The following ZNF804B variants were observed in gnomAD, a reference collection of about 807,000 sequenced individuals.
ZNF804B encodes the protein zinc finger 804B.
ZNF804B carries 80 observed loss-of-function variants against 101.4 expected under a neutral mutation model. The observed-to-expected ratio is 0.79, with a 90% CI of 0.66 to 0.95. The LOEUF is 0.95. ZNF804B is among the 40% of genes least tolerant of loss of function. The pLI, the probability that ZNF804B is intolerant of heterozygous loss-of-function variation, is 0.00. For synonymous variants in ZNF804B, 622 were observed against 558.8 expected (o/e 1.11, Z -1.59); for missense variants, 1,673 against 1,561.9 (o/e 1.07, Z -1.20).
intron 1 of ZNF804B, among the ~76,000 whole-genome samples, chr7:88,952,248 A>G (rs1262101088): frequency 2.0e-5 from 3 of 151,780 alleles, no homozygotes; most frequent in Admixed American, 6.6e-5. Flanking sequence ...TGTCATTAGT[A>G]TCATTAATAT....
chr7:88,825,609 A>G (rs1791040800), intron 1 of ZNF804B, among the ~76,000 whole-genome samples: 1 of 152,138 alleles, frequency 6.6e-6, no homozygotes, highest in Non-Finnish European at 1.5e-5. Flanking sequence ...CTTCAGCATC[A>G]CTGTGTCCCT....
Position 88,759,970 on chromosome 7 carries a change from G to C in ZNF804B, c.-7G>C. The C allele has an allele frequency of 6.2e-7, 1 of 1,613,896 alleles. No individual in the cohort carries two copies. Among genetic ancestry groups the C allele is most frequent in the Non-Finnish European group, 8.5e-7 (1 of 1,179,796 alleles). ...AGTTGAGACTCTGCGCCTCCGCCCG[G>C]ACCCACATGGCTTGTTACCTGGTCA... On this transcript the variant is annotated 5_prime_UTR_variant, in exon 1 of 4. Coordinates refer to ENST00000333190, the MANE Select transcript of ZNF804B (RefSeq NM_181646.5).
chr7:89,249,154 A>G (rs1789501398), intron 2 of ZNF804B, among the ~76,000 whole-genome samples: 1 of 152,162 alleles, frequency 6.6e-6, no homozygotes, highest in African/African-American at 2.4e-5. Context: ...TAAAACAAGT[A>G]CTTCTAGACC....
intron 1 of ZNF804B, among the ~76,000 whole-genome samples, chr7:89,001,280 A>G (rs944384528): frequency 2.0e-5 from 3 of 151,426 alleles, no homozygotes; most frequent in East Asian, 3.9e-4. Context: ...TGAAAAAATA[A>G]CTGTGAAGTA....
chr7:88,948,938 T>A (rs1241128497), intron 1 of ZNF804B, among the ~76,000 whole-genome samples: 1 of 151,962 alleles, frequency 6.6e-6, no homozygotes, highest in Admixed American at 6.6e-5. Flanking sequence ...AGATTTAGAT[T>A]TTACATTTTG....
chr7:89,079,773 C>A (rs1437481372), intron 1 of ZNF804B, among the ~76,000 whole-genome samples: 1 of 151,970 alleles, frequency 6.6e-6, no homozygotes, highest in Non-Finnish European at 1.5e-5. Flanking sequence ...GTAAACATGA[C>A]TTGCCGATAT....
chr7:88,888,205 A>G (rs1407495436), intron 1 of ZNF804B, among the ~76,000 whole-genome samples: 1 of 152,168 alleles, frequency 6.6e-6, no homozygotes, highest in Admixed American at 6.5e-5. Context: ...AGTCTGGCCA[A>G]CATGGCGAAA....
intron 1 of ZNF804B, among the ~76,000 whole-genome samples, chr7:88,896,966 A>G (rs1469714563): frequency 6.6e-6 from 1 of 152,236 alleles, no homozygotes; most frequent in Non-Finnish European, 1.5e-5. Context: ...AGTTAATCAC[A>G]AGTTGACTGC....
chr7:89,297,380 A>G (rs1024735240), intron 2 of ZNF804B, among the ~76,000 whole-genome samples: 2 of 152,092 alleles, frequency 1.3e-5, no homozygotes, highest in African/African-American at 4.8e-5. Flanking sequence ...ATGCTAAATA[A>G]TAACCATCAT....
chr7:88,782,319 T>C (rs1790241319), intron 1 of ZNF804B, among the ~76,000 whole-genome samples: 2 of 152,030 alleles, frequency 1.3e-5, no homozygotes, highest in Admixed American at 6.6e-5. Flanking sequence ...ATAGAAATAA[T>C]CTGCATTATT....
intron 1 of ZNF804B, among the ~76,000 whole-genome samples, chr7:88,761,894 T>C (rs1158463607): frequency 6.6e-6 from 1 of 152,210 alleles, no homozygotes; most frequent in Non-Finnish European, 1.5e-5. Context: ...TCTCCCACTT[T>C]GGTCAGTCAT....
At chr7:89,287,305 T>C (rs1584106098) in intron 2 of ZNF804B, among the ~76,000 whole-genome samples, 1 of 152,226 alleles carries the variant, frequency 6.6e-6, no homozygotes, top group East Asian at 1.9e-4. Flanking sequence ...ACTATATATA[T>C]ACATATGTAT....
At chr7:88,936,985 A>G (rs1792981506) in intron 1 of ZNF804B, among the ~76,000 whole-genome samples, 1 of 151,996 alleles carries the variant, frequency 6.6e-6, no homozygotes, top group South Asian at 2.1e-4. Context: ...TATAATGAGA[A>G]CAATGTATTT....
chr7:89,172,790 T>A (rs1402296158), intron 1 of ZNF804B, among the ~76,000 whole-genome samples: 1 of 152,188 alleles, frequency 6.6e-6, no homozygotes, highest in African/African-American at 2.4e-5. Context: ...TAATAAAACA[T>A]GATCTTAGCT....
At chr7:89,214,810 G>C (rs897859208) in intron 1 of ZNF804B, among the ~76,000 whole-genome samples, 1 of 152,122 alleles carries the variant, frequency 6.6e-6, no homozygotes, top group Non-Finnish European at 1.5e-5. Flanking sequence ...TTTAGAAGTT[G>C]CTAAATAAGA....
intron 1 of ZNF804B, among the ~76,000 whole-genome samples, chr7:88,792,947 A>G (rs1410613651): frequency 6.6e-6 from 1 of 152,086 alleles, no homozygotes; most frequent in Non-Finnish European, 1.5e-5. Flanking sequence ...TTTGTTACAT[A>G]CAATTTGGTC....
rs866865676 is a variant in ZNF804B, at chr7:89,082,624, A to G, written c.109-135531A>G. The stretch of plus-strand genomic sequence containing the variant: ...GAAATGCCATCTATCACTAGGTTGC[A>G]GATGAGGTAGAGGTGGACTTATTCC... On this transcript the variant is annotated intron_variant, in intron 1 of 3. Transcript: ENST00000333190. Among the ~76,000 whole-genome samples, 56 of 151,912 alleles carry G rather than the reference A, an allele frequency of 3.7e-4. 1 individual carries two copies. The Middle Eastern group carries it at 0.014, about 37-fold the overall frequency.
intron 1 of ZNF804B, among the ~76,000 whole-genome samples, chr7:88,792,028 C>A (rs1790389797): frequency 6.6e-6 from 1 of 152,044 alleles, no homozygotes; most frequent in South Asian, 2.1e-4. Flanking sequence ...GCGACCTTAG[C>A]TGGGGATGTT....
At chr7:88,943,241 A>T (rs1793080076) in intron 1 of ZNF804B, among the ~76,000 whole-genome samples, 1 of 151,938 alleles carries the variant, frequency 6.6e-6, no homozygotes, top group African/African-American at 2.4e-5. Context: ...TTGAAGTTGG[A>T]AACAGTTTCC....
Sources: allele counts gnomAD v4.1 joint callset (sites outside exome capture counted in the v4.1 genomes callset), GRCh38; gene constraint gnomAD v4.1.1; transcripts MANE v1.5; gene names NCBI Gene and HGNC (gene_info 2026-07-23, HGNC 2026-07-21).